Variants in TCEA2 observed in about 807,000 individuals in gnomAD.
TCEA2 encodes transcription elongation factor A protein 2.
In TCEA2, 21 loss-of-function variants were observed where a neutral mutation model predicts 40.8. The ratio of observed to expected loss-of-function variants is 0.51; its 90% CI spans 0.36 to 0.74. TCEA2 has a LOEUF of 0.74. TCEA2 is among the 30% of genes least tolerant of loss of function. The pLI is 0.00. For missense variants in TCEA2, 326 were observed against 426.5 expected (o/e 0.76, Z 2.08); for synonymous variants, 165 against 162.7 (o/e 1.01, Z -0.11).
At chr20:64,056,672 C>CAT (rs1322008674), upstream of TCEA2, 1 of 152,116 alleles carries the variant, frequency 6.6e-6, no homozygotes, top group Non-Finnish European at 1.5e-5. Flanking sequence ...GGATAGCGGC[C>CAT]ACTGGGGTCA....
At chr20:64,068,420 C>T (rs1292835871) in intron 4 of TCEA2, among the ~76,000 whole-genome samples, 1 of 152,248 alleles carries the variant, frequency 6.6e-6, no homozygotes, top group Admixed American at 6.5e-5. Context: ...GCCTCTTCCC[C>T]CAAGGCCCCC....
chr20:64,066,609 A>G (rs2059700330), intron 2 of TCEA2, 71 bp downstream of exon 2: 17 of 1,558,120 alleles, frequency 1.1e-5, no homozygotes, highest in Non-Finnish European at 1.4e-5. Flanking sequence ...TTCTGAGGGC[A>G]CCTGGCAGGG....
At chr20:64,070,034 G>A in intron 6 of TCEA2, 1 of 877,258 alleles carries the variant, frequency 1.1e-6, no homozygotes, top group Non-Finnish European at 1.8e-6. Flanking sequence ...TGGGGCCTAG[G>A]TCCCCTGGGG....
chr20:64,069,380 C>T lies in TCEA2; in HGVS notation c.349C>T (p.Pro117Ser), dbSNP rs1419714721. 4.4e-6 allele frequency: 7 copies of T among 1,598,426 alleles called. No homozygotes were observed. In the African/African-American group the frequency reaches 6.7e-5, roughly 15 times the overall value. The change falls in exon 5 of 10, where the codon CCC (proline) becomes TCC (serine). Residue 117 changes from proline (P) to serine (S), a missense_variant. Coordinates refer to ENST00000343484, the MANE Select transcript of TCEA2 (RefSeq NM_003195.6). ...PDPSRKRPEL[P>S]RAPSTPRITT... ...CTGCAGCCGCAAGAGGCCGGAGCTG[C>T]CCAGGGCACCGTCGACTCCGAGGAT...
chr20:64,061,739 TC>T (rs2059569279), upstream of TCEA2, among the ~76,000 whole-genome samples: 1 of 152,040 alleles, frequency 6.6e-6, no homozygotes, highest in South Asian at 2.1e-4. Flanking sequence ...TCTTTTTTTT[TC>T]TTTTGAGACG....
upstream of TCEA2, chr20:64,062,790 G>C (rs1336353845): frequency 6.6e-6 from 1 of 152,364 alleles, no homozygotes; most frequent in East Asian, 1.9e-4. Context: ...CGGCCTTCTA[G>C]GCCAAGTGGG....
At chr20:64,069,616 C>T in intron 5 of TCEA2, 125 bp downstream of exon 5, 4 of 1,536,808 alleles carry the variant, frequency 2.6e-6, no homozygotes, top group Non-Finnish European at 3.5e-6. Context: ...TTGCTGTGGC[C>T]CTGGCAGGGG....
intron 1 of TCEA2, among the ~76,000 whole-genome samples, chr20:64,057,902 GGGTGGTGGTGAAGTGA>G (rs1200626795): frequency 2.6e-5 from 4 of 152,156 alleles, no homozygotes; most frequent in Non-Finnish European, 5.9e-5. Context: ...CTTGGGGGTG[GGGTGGTGGTGAAGTGA>G]GGCCCACCCG....
chr20:64,060,789 A>G (rs994620635), upstream of TCEA2, among the ~76,000 whole-genome samples: 9 of 151,330 alleles, frequency 5.9e-5, no homozygotes, highest in African/African-American at 2.2e-4. Context: ...CTTTTTCCCT[A>G]TGATTGAGCT....
At chr20:64,062,230 A>C (rs1431518643), upstream of TCEA2, among the ~76,000 whole-genome samples, 1 of 152,148 alleles carries the variant, frequency 6.6e-6, no homozygotes. Flanking sequence ...TGCCCTCTCC[A>C]GGAAACCACC....
At chr20:64,069,871 G>A in intron 6 of TCEA2, 50 bp downstream of exon 6, 1 of 1,601,310 alleles carries the variant, frequency 6.2e-7, no homozygotes. Flanking sequence ...GGAGTCAGGA[G>A]GCTGCCTGGC....
In TCEA2 at chr20:64,072,003, C is replaced by T. The variant is rs1487801299; in HGVS notation, c.891+62C>T. 9 of 1,608,838 alleles carry T rather than the reference C, an allele frequency of 5.6e-6. No individual in the cohort carries two copies. In the Admixed American group the frequency reaches 8.4e-5, roughly 15 times the overall value. ...ATTCTCTGGAGGTGGGGTGTCTCAGCCTCTGTGGGGTCTGTGGTGTGAACT... is the reference window on the plus strand; with the variant it reads ...ATTCTCTGGAGGTGGGGTGTCTCAGTCTCTGTGGGGTCTGTGGTGTGAACT... On this transcript the variant is annotated intron_variant, in intron 9 of 9. Transcript: ENST00000343484.
chr20:64,066,883 G>C, intron 2 of TCEA2, 32 bp from the exon 3 acceptor site: 1 of 1,604,402 alleles, frequency 6.2e-7, no homozygotes, highest in Non-Finnish European at 8.5e-7. Flanking sequence ...GTGGGCCCCT[G>C]CCTCCCCCAA....
intron 1 of TCEA2, chr20:64,064,443 G>A (rs1435668890): frequency 6.6e-6 from 1 of 152,290 alleles, no homozygotes; most frequent in Non-Finnish European, 1.5e-5. Context: ...CTGCCTCCTG[G>A]GGGGTGGGGA....
At chr20:64,064,333 G>A (rs2059637191) in intron 1 of TCEA2, 1 of 152,414 alleles carries the variant, frequency 6.6e-6, no homozygotes, top group South Asian at 2.1e-4. Flanking sequence ...GGCTGTGTGT[G>A]AGGACTTTGA....
intron 9 of TCEA2, 111 bp downstream of exon 9, chr20:64,072,052 C>T (rs1384644046): frequency 3.8e-6 from 6 of 1,594,970 alleles, no homozygotes; most frequent in Non-Finnish European, 5.1e-6. Flanking sequence ...CCCAACCAGC[C>T]TCCTGGGAGT....
In TCEA2 at chr20:64,068,147, G is replaced by T. The variant is rs753173367; in HGVS notation, c.329+13G>T. On this transcript the variant is annotated intron_variant, in intron 4 of 9. Transcript: ENST00000343484. ...CCCCGGATCCCAGGTAGCACACCTG[G>T]AAGGCAGGTGCACACACTTCTGCTT... 9 of 1,600,172 alleles carry T rather than the reference G, an allele frequency of 5.6e-6. 1 individual carries two copies. In the South Asian group the frequency reaches 1.0e-4, roughly 18 times the overall value.
upstream of TCEA2, among the ~76,000 whole-genome samples, chr20:64,059,950 G>T (rs2059530473): frequency 6.6e-6 from 1 of 152,128 alleles, no homozygotes; most frequent in Non-Finnish European, 1.5e-5. Context: ...CTCACTGCTG[G>T]CTCCTTGATA....
In TCEA2 at chr20:64,070,257, C is replaced by A. The variant is rs1388822105; in HGVS notation, c.518-3C>A. The A allele has an allele frequency of 6.2e-7, 1 of 1,613,914 alleles. No homozygotes were observed. The highest frequency in any genetic ancestry group is 8.5e-7 in the Non-Finnish European group (1 of 1,179,942). On this transcript the variant is annotated splice_region_variant and splice_polypyrimidine_tract_variant and intron_variant, in intron 6 of 9. Coordinates refer to ENST00000343484, the MANE Select transcript of TCEA2 (RefSeq NM_003195.6). ...CTCAGGTGGGTCCTTAAAACACTTGCACGCATCTTCCGGGACGTTGGAAAC... is the reference window on the plus strand; with the variant it reads ...CTCAGGTGGGTCCTTAAAACACTTGAACGCATCTTCCGGGACGTTGGAAAC...
Sources: gnomAD v4.1 joint callset for allele counts (sites outside exome capture counted in the v4.1 genomes callset) on GRCh38, gnomAD v4.1.1 for gene constraint, MANE v1.5 for transcripts, NCBI Gene and HGNC (gene_info 2026-07-23, HGNC 2026-07-21) for gene names.